BCO1: variants seen among roughly 807,000 people sequenced by gnomAD.
BCO1 encodes the protein beta-carotene oxygenase 1.
A neutral mutation model predicts 56.3 loss-of-function variants in BCO1; 54 were observed. The observed-to-expected ratio is 0.96, with a 90% CI of 0.77 to 1.20. The LOEUF (loss-of-function observed/expected upper bound fraction) is 1.20. BCO1 is among the 50% of genes most tolerant of loss of function. The pLI is 0.00. For synonymous variants in BCO1, 318 were observed against 266.1 expected (o/e 1.20, Z -1.90); for missense variants, 801 against 690.9 (o/e 1.16, Z -1.79).
chr16:81,288,288 A>G (rs1212070504), intron 10 of BCO1, among the ~76,000 whole-genome samples: 1 of 152,060 alleles, frequency 6.6e-6, no homozygotes, highest in African/African-American at 2.4e-5. Flanking sequence ...TAAGAAATGG[A>G]GTCTTGCTCT....
intron 7 of BCO1, among the ~76,000 whole-genome samples, chr16:81,275,921 G>A (rs1042845114): frequency 1.9e-4 from 29 of 152,118 alleles, no homozygotes; most frequent in Non-Finnish European, 3.8e-4. Flanking sequence ...GTGGCGGGGT[G>A]TGGCTGGGAG....
At chr16:81,279,765 C>G (rs1276786754) in intron 7 of BCO1, among the ~76,000 whole-genome samples, 3 of 152,174 alleles carry the variant, frequency 2.0e-5, no homozygotes, top group Non-Finnish European at 4.4e-5. Context: ...CAGTAAGATA[C>G]TGAACACAGC....
At chr16:81,262,402 C>T (rs983169170) in intron 4 of BCO1, 119 bp downstream of exon 4, 3 of 1,026,114 alleles carry the variant, frequency 2.9e-6, no homozygotes, top group Middle Eastern at 2.1e-4. Flanking sequence ...TCCTCTAACA[C>T]CGTTGGATCC....
chr16:81,259,534 G>C, intron 2 of BCO1, 142 bp from the exon 3 acceptor site: 1 of 759,938 alleles, frequency 1.3e-6, no homozygotes, highest in Non-Finnish European at 2.1e-6. Context: ...AATGCGAATT[G>C]TATCGGCCCT....
chr16:81,263,651 A>G (rs1227327441), intron 4 of BCO1: 1 of 152,222 alleles, frequency 6.6e-6, no homozygotes, highest in African/African-American at 2.4e-5. Flanking sequence ...ATTCTCAGCA[A>G]TCCTACCTTC....
chr16:81,247,009 G>A lies in BCO1; in HGVS notation c.193+1406G>A, dbSNP rs150181702. Reference sequence around the variant, plus strand: ...AAATATAGGGCATCACAAATAAGGCGAATTCTGAGTTCAGGTGTCTGGCTC... The same window carrying A: ...AAATATAGGGCATCACAAATAAGGCAAATTCTGAGTTCAGGTGTCTGGCTC... On this transcript the variant is annotated intron_variant, in intron 2 of 10. Transcript: ENST00000258168. 4.8e-3 allele frequency among the ~76,000 whole-genome samples: 738 copies of A among 152,260 alleles called. 4 individuals carry two copies. The highest frequency in any genetic ancestry group is 0.017 in the African/African-American group (702 of 41,560).
At chr16:81,250,312 C>T (rs1018608191) in intron 2 of BCO1, among the ~76,000 whole-genome samples, 22 of 152,186 alleles carry the variant, frequency 1.4e-4, no homozygotes, top group Admixed American at 3.3e-4. Flanking sequence ...CCCACCAGCT[C>T]CTGCCTCCCC....
At chr16:81,239,469 G>C (rs2151922073) in intron 1 of BCO1, among the ~76,000 whole-genome samples, 1 of 152,264 alleles carries the variant, frequency 6.6e-6, no homozygotes, top group South Asian at 2.1e-4. Flanking sequence ...AACTCCGTTT[G>C]CAAAGGGAGG....
At chr16:81,288,406 G>A (rs1457525919) in intron 10 of BCO1, among the ~76,000 whole-genome samples, 5 of 152,064 alleles carry the variant, frequency 3.3e-5, no homozygotes, top group Non-Finnish European at 5.9e-5. Context: ...GGAGCTACAG[G>A]GGCACACCAC....
Position 81,267,989 on chromosome 16 carries a change from G to C in BCO1, c.701G>C (p.Ser234Thr). ...SIPSRSLLSPSYYHSFGVTEN... is the reference protein window; with the variant it reads ...SIPSRSLLSPTYYHSFGVTEN... ...CCATCCCGCTCCCTGCTCTCCCCAA[G>C]CTACTACCACAGCTTTGGAGTCACC... The change falls in exon 6 of 11, where the codon AGC becomes ACC. Residue 234 changes from serine (S) to threonine (T), a missense_variant. Coordinates refer to ENST00000258168, the MANE Select transcript of BCO1 (RefSeq NM_017429.3). The C allele has an allele frequency of 1.2e-6, 2 of 1,614,004 alleles. No homozygotes were observed. The highest frequency in any genetic ancestry group is 1.7e-6 in the Non-Finnish European group (2 of 1,180,030).
At chr16:81,278,500 G>A (rs1014317707) in intron 7 of BCO1, among the ~76,000 whole-genome samples, 18 of 152,192 alleles carry the variant, frequency 1.2e-4, no homozygotes, top group African/African-American at 4.3e-4. Flanking sequence ...TTAATTCAGC[G>A]ATTACTTCCT....
intron 1 of BCO1, among the ~76,000 whole-genome samples, chr16:81,241,991 G>A (rs549933612): frequency 1.3e-5 from 2 of 152,194 alleles, no homozygotes; most frequent in Non-Finnish European, 2.9e-5. Flanking sequence ...TTGCTGCAAC[G>A]ATTAAGTGGT....
At chr16:81,244,921 G>A (rs113373892) in intron 1 of BCO1, among the ~76,000 whole-genome samples, 1,915 of 151,824 alleles carry the variant, frequency 0.013, 31 homozygotes, top group African/African-American at 0.043. Context: ...ACAGAGTTTC[G>A]CTCTTGTTGC....
Position 81,290,544 on chromosome 16 carries a change from G to C in BCO1, c.1611G>C (p.Arg537Ser), listed in dbSNP as rs570252686. 8 of 1,614,012 alleles carry C rather than the reference G, an allele frequency of 5.0e-6. No homozygotes were observed. The highest frequency in any genetic ancestry group is 1.7e-4 in the Middle Eastern group (1 of 6,060). The change falls in exon 11 of 11, where the codon AGG becomes AGC. Residue 537 changes from arginine (R) to serine (S), a missense_variant. Arg to Ser is a moderately radical substitution (Grantham distance 110). Transcript: ENST00000258168. ...KQAASEEQRD[R>S]ASDCHGAPLT The stretch of plus-strand genomic sequence containing the variant: ...CCGCTTCTGAGGAACAGCGGGACAG[G>C]GCTTCCGACTGCCACGGGGCTCCTC...
intron 2 of BCO1, among the ~76,000 whole-genome samples, chr16:81,252,266 G>C (rs1272739207): frequency 6.6e-6 from 1 of 150,776 alleles, no homozygotes; most frequent in East Asian, 2.0e-4. Context: ...GTTTTGTTTT[G>C]TTTTGTTTTT....
At chr16:81,261,964 A>G in intron 3 of BCO1, 172 bp from the exon 4 acceptor site, 3 of 723,662 alleles carry the variant, frequency 4.1e-6, no homozygotes, top group Admixed American at 2.0e-5. Context: ...GGATGGTCTC[A>G]ATCTCCTGAC....
At chr16:81,274,885 G>C (rs995410244) in intron 7 of BCO1, among the ~76,000 whole-genome samples, 4 of 151,008 alleles carry the variant, frequency 2.6e-5, no homozygotes, top group African/African-American at 9.8e-5. Context: ...ATGGGCAACA[G>C]AGTGAGACTC....
At position 81,279,344 on chromosome 16, in the gene BCO1, C is replaced by T. The variant is rs145294987; in HGVS notation, c.1102-1513C>T. 3.8e-4 allele frequency among the ~76,000 whole-genome samples: 58 copies of T among 152,210 alleles called. 1 individual carries two copies. In the East Asian group the frequency reaches 0.01, roughly 26 times the overall value. ...AGAAAAGTTTAAATGAGAAGTCAGC[C>T]ATAACAATAATGTTCCATCCTCTTG... On this transcript the variant is annotated intron_variant, in intron 7 of 10. Transcript: ENST00000258168.
Position 81,259,803 on chromosome 16 carries a change from C to T in BCO1, c.321C>T (p.Ser107=), listed in dbSNP as rs763334777. The change falls in exon 3 of 11, where the codon TCC becomes TCT. Residue 107 remains serine (S), a splice_region_variant and synonymous_variant. Coordinates refer to ENST00000258168, the MANE Select transcript of BCO1 (RefSeq NM_017429.3). ...CGGACCCCTGCAAAAACATATTTTC[C>T]AAGTAACTGCCTATTTTAAATCTGA... The part of the protein sequence containing the change: ...AYPDPCKNIF[S]KAFSYLSHTI... The T allele has an allele frequency of 1.9e-6, 3 of 1,614,166 alleles. No homozygotes were observed. In the East Asian group the frequency reaches 6.7e-5, roughly 36 times the overall value.
Sources: gnomAD v4.1 joint callset for allele counts (sites outside exome capture counted in the v4.1 genomes callset) on GRCh38, gnomAD v4.1.1 for gene constraint, MANE v1.5 for transcripts, NCBI Gene and HGNC (gene_info 2026-07-23, HGNC 2026-07-21) for gene names.